Variants in THSD7A observed in about 807,000 individuals in gnomAD.
THSD7A encodes the protein thrombospondin type-1 domain-containing protein 7A.
Under a neutral mutation model 231.3 loss-of-function variants are expected in THSD7A, and 96 were observed. The ratio of observed to expected loss-of-function variants is 0.41; its 90% CI spans 0.35 to 0.49. The LOEUF is 0.49. THSD7A is among the 20% of genes least tolerant of loss of function. THSD7A has a pLI of 0.05. For synonymous variants in THSD7A, 940 were observed against 743.3 expected (o/e 1.26, Z -4.30); for missense variants, 2,290 against 2,070.2 (o/e 1.11, Z -2.06).
intron 1 of THSD7A, among the ~76,000 whole-genome samples, chr7:11,790,358 T>C (rs1296908081): frequency 6.6e-6 from 1 of 151,920 alleles, no homozygotes; most frequent in Admixed American, 6.6e-5. Context: ...ATATGAGCAA[T>C]TGTAGAGAGA....
intron 15 of THSD7A, 72 bp downstream of exon 15, chr7:11,426,594 G>A: frequency 7.1e-7 from 1 of 1,411,636 alleles, no homozygotes; most frequent in African/African-American, 1.4e-5. Context: ...GAAGAGAAAT[G>A]TATTCTCAGA....
Position 11,462,147 on chromosome 7 carries a change from C to A in THSD7A, c.2369-4G>T, listed in dbSNP as rs748906699. On this transcript the variant is annotated splice_region_variant and splice_polypyrimidine_tract_variant and intron_variant, in intron 9 of 27. Coordinates refer to ENST00000423059, the MANE Select transcript of THSD7A (RefSeq NM_015204.3). ...TGCTTCCTGATACTGGAGTCCCCTG[C>A]AATGAAGCAGTTTTTTAACCTCTGT... is the stretch of plus-strand genomic sequence containing the variant. 4 of 1,613,414 alleles carry A rather than the reference C, an allele frequency of 2.5e-6. No homozygotes were observed. In the South Asian group the frequency reaches 3.3e-5, roughly 13 times the overall value.
At chr7:11,577,868 A>G (rs1464797528) in intron 4 of THSD7A, among the ~76,000 whole-genome samples, 1 of 152,064 alleles carries the variant, frequency 6.6e-6, no homozygotes, top group Non-Finnish European at 1.5e-5. Flanking sequence ...ATGGACTACT[A>G]CTTAAAATTC....
At chr7:11,440,245 CA>C (rs1326214558) in intron 13 of THSD7A, among the ~76,000 whole-genome samples, 2 of 151,990 alleles carry the variant, frequency 1.3e-5, no homozygotes, top group Non-Finnish European at 2.9e-5. Context: ...AGATTTATTT[CA>C]AAATATTAGT....
rs1781887535 is a variant in THSD7A, at chr7:11,636,938, C to T, written c.214G>A (p.Asp72Asn). 1.2e-6 allele frequency: 2 copies of T among 1,611,190 alleles called. No homozygotes were observed. Among genetic ancestry groups the T allele is most frequent in the Non-Finnish European group, 1.7e-6 (2 of 1,179,290 alleles). Reference protein sequence around the residue: ...KTGPWGRCMGDECGPGGIQTR... With the variant: ...KTGPWGRCMGNECGPGGIQTR... ...TGGATGCCTCCGGGACCACATTCAT[C>T]TCCCATACATCGGCCCCATGGACCT... The change falls in exon 2 of 28, where the codon GAT becomes AAT. Residue 72 changes from aspartate to asparagine, a missense_variant. Asp to Asn is a conservative substitution (Grantham distance 23). Coordinates refer to ENST00000423059, the MANE Select transcript of THSD7A (RefSeq NM_015204.3). This position sits in a 1 kb window ranked among gnomAD's most constrained non-coding sequence, Gnocchi z 10.0.
At chr7:11,732,921 T>C (rs142392969) in intron 1 of THSD7A, among the ~76,000 whole-genome samples, 151 of 152,004 alleles carry the variant, frequency 9.9e-4, no homozygotes, top group Middle Eastern at 3.4e-3. Context: ...GTACCACTTA[T>C]TAGCATTGAA....
intron 13 of THSD7A, among the ~76,000 whole-genome samples, chr7:11,443,433 T>C (rs1223920513): frequency 6.6e-6 from 1 of 151,586 alleles, no homozygotes; most frequent in Admixed American, 6.6e-5. Flanking sequence ...AATTACTCTT[T>C]GAGATGTTTC....
intron 1 of THSD7A, among the ~76,000 whole-genome samples, chr7:11,694,447 T>C (rs191896412): frequency 1.3e-5 from 2 of 151,698 alleles, no homozygotes; most frequent in Admixed American, 1.3e-4. Context: ...TCTATCTCCA[T>C]TGTAGAGTTT....
At chr7:11,418,068 G>A (rs906204027) in intron 16 of THSD7A, among the ~76,000 whole-genome samples, 3 of 152,148 alleles carry the variant, frequency 2.0e-5, no homozygotes, top group Admixed American at 6.5e-5. Flanking sequence ...ATTTATATGT[G>A]ATGAGAGACC....
intron 1 of THSD7A, among the ~76,000 whole-genome samples, chr7:11,752,120 T>C (rs1782522955): frequency 6.6e-6 from 1 of 152,092 alleles, no homozygotes; most frequent in Non-Finnish European, 1.5e-5. Flanking sequence ...CAGCTGGCGA[T>C]TTCTGGTCAG....
At chr7:11,806,527 C>A (rs890361609) in intron 1 of THSD7A, among the ~76,000 whole-genome samples, 6 of 152,054 alleles carry the variant, frequency 3.9e-5, no homozygotes, top group Non-Finnish European at 5.9e-5. Flanking sequence ...AATAAAAAGG[C>A]AGGAGTATTT....
chr7:11,382,924 T>TTATATATATATATATATATATAGTTATA (rs140393382), intron 23 of THSD7A, among the ~76,000 whole-genome samples: 1 of 147,420 alleles, frequency 6.8e-6, no homozygotes, highest in African/African-American at 2.5e-5. Context: ...ATATATATAG[T>TTATATATATATATATATATATAGTTATA]TATATATATA....
At chr7:11,459,541 A>G (rs972520387) in intron 11 of THSD7A, among the ~76,000 whole-genome samples, 1 of 152,090 alleles carries the variant, frequency 6.6e-6, no homozygotes, top group Non-Finnish European at 1.5e-5. Flanking sequence ...GAGATACATA[A>G]TGAGAATTAT....
intron 1 of THSD7A, among the ~76,000 whole-genome samples, chr7:11,747,295 TATGGA>T: frequency 6.6e-6 from 1 of 152,068 alleles, no homozygotes; most frequent in Admixed American, 6.6e-5. Flanking sequence ...GAAGTAGCCC[TATGGA>T]TGAGAACAAA....
chr7:11,791,338 T>A (rs1004311989), intron 1 of THSD7A, among the ~76,000 whole-genome samples: 1 of 152,012 alleles, frequency 6.6e-6, no homozygotes, highest in Non-Finnish European at 1.5e-5. Flanking sequence ...ATTATGGGTA[T>A]GGAAATTTTA....
In THSD7A at chr7:11,759,540, G is replaced by C. The variant is rs7341453; in HGVS notation, c.190+72217C>G. On this transcript the variant is annotated intron_variant, in intron 1 of 27. Coordinates refer to ENST00000423059, the MANE Select transcript of THSD7A (RefSeq NM_015204.3). ...TGTGCAGAGAATATAGAAAGAATAA[G>C]GGAAGGCAATAGAAGAAATAATAAC... Among the ~76,000 whole-genome samples, 11 of 151,852 alleles carry C rather than the reference G, an allele frequency of 7.2e-5. No homozygotes were observed. The South Asian group carries it at 1.7e-3, about 23-fold the overall frequency.
intron 23 of THSD7A, among the ~76,000 whole-genome samples, chr7:11,386,801 A>T (rs1345266960): frequency 6.6e-6 from 1 of 152,274 alleles, no homozygotes; most frequent in Admixed American, 6.5e-5. Flanking sequence ...TATGTCCTGA[A>T]TAGTATTGCC....
At chr7:11,823,224 A>G (rs556071838) in intron 1 of THSD7A, among the ~76,000 whole-genome samples, 30 of 152,074 alleles carry the variant, frequency 2.0e-4, no homozygotes, top group African/African-American at 7.0e-4. Flanking sequence ...TTTCTCCAAC[A>G]TATGTTCTTG....
intron 1 of THSD7A, among the ~76,000 whole-genome samples, chr7:11,760,779 G>T (rs1439411876): frequency 6.6e-6 from 1 of 151,678 alleles, no homozygotes. Flanking sequence ...ACTTTTAACT[G>T]AAAATAATTT....
Sources: allele counts gnomAD v4.1 joint callset (sites outside exome capture counted in the v4.1 genomes callset), GRCh38; gene constraint gnomAD v4.1.1; non-coding constraint Gnocchi (gnomAD v3.1); transcripts MANE v1.5; gene names NCBI Gene and HGNC (gene_info 2026-07-23, HGNC 2026-07-21).